The following MAGEF1 variants were observed in gnomAD, a reference collection of about 807,000 sequenced individuals.
MAGEF1 encodes the protein MAGE family member F1.
For missense variants in MAGEF1, 418 were observed against 399.5 expected (o/e 1.05, Z -0.39); for synonymous variants, 150 against 163.6 (o/e 0.92, Z 0.63).
rs1712198139 is a variant in MAGEF1, at chr3:184,710,980, G to A, written c.842C>T (p.Ala281Val). 1 of 1,614,142 alleles carries A rather than the reference G, an allele frequency of 6.2e-7. No individual in the cohort carries two copies. Residue 281 changes from alanine to valine, a missense_variant, in exon 1 of 1, where the codon GCC (alanine) becomes GTC (valine). Coordinates refer to ENST00000317897, the MANE Select transcript of MAGEF1 (RefSeq NM_022149.5). ...VQYREALADE[A>V]DRARAKARAE... Reference sequence around the variant, plus strand: ...TCTGGCCTTGGCTCTGGCCCTGTCGGCCTCGTCTGCTAGGGCCTCACGGTA... The same window carrying A: ...TCTGGCCTTGGCTCTGGCCCTGTCGACCTCGTCTGCTAGGGCCTCACGGTA...
In MAGEF1 at chr3:184,711,398, T is replaced by C; in HGVS notation, c.424A>G (p.Thr142Ala). 6.2e-7 allele frequency: 1 copy of C among 1,614,170 alleles called. No homozygotes were observed. Among genetic ancestry groups the C allele is most frequent in the East Asian group, 2.2e-5 (1 of 44,868 alleles). ...TTTAGTTTGTTGATCAGGATGTAAG[T>C]GTGGTGCTTGCGGTCAAACTGTTTC... ...ELKQFDRKHH[T>A]YILINKLKPL... Residue 142 changes from threonine to alanine, a missense_variant, in exon 1 of 1, where the codon ACT (threonine) becomes GCT (alanine). Thr to Ala is a moderately conservative substitution (Grantham distance 58). Transcript: ENST00000317897.
Position 184,710,500 on chromosome 3 carries a change from CA to C in MAGEF1, c.*397del, listed in dbSNP as rs1204177561. On this transcript the variant is annotated 3_prime_UTR_variant, in exon 1 of 1. Coordinates refer to ENST00000317897, the MANE Select transcript of MAGEF1 (RefSeq NM_022149.5). ...TCTTTCTTCTTTTATACACAACAGA[CA>C]AAAGTGTTGGGGGGCTAGACACCAA... The C allele has an allele frequency of 6.0e-6, 1 of 165,320 alleles. No homozygotes were observed. The allele number at this position is 165,320 out of a possible 1,614,324, so 10.2% of individuals were successfully genotyped here.
Position 184,711,337 on chromosome 3 carries a change from C to A in MAGEF1, c.485G>T (p.Gly162Val). 1 of 1,576,214 alleles carries A rather than the reference C, an allele frequency of 6.3e-7. No individual in the cohort carries two copies. The highest frequency in any genetic ancestry group is 1.1e-5 in the South Asian group (1 of 89,754). ...TAACAGACCCAATCTGGGGCCATCT[C>A]CTCCCAGATCCTCCTCCTCCTCCTC... ...LEEEEEEDLG[G>V]DGPRLGLLMM... Residue 162 changes from glycine to valine, a missense_variant, in exon 1 of 1, where the codon GGA becomes GTA. Gly to Val is a moderately radical substitution (Grantham distance 109, BLOSUM62 -3). Coordinates refer to ENST00000317897, the MANE Select transcript of MAGEF1 (RefSeq NM_022149.5).
Position 184,712,050 on chromosome 3 carries a change from C to T in MAGEF1, c.-229G>A, listed in dbSNP as rs1369233516. On this transcript the variant is annotated 5_prime_UTR_variant, in exon 1 of 1. Coordinates refer to ENST00000317897, the MANE Select transcript of MAGEF1 (RefSeq NM_022149.5). ...CGCGCAGCCTCAGTCCGCGCCCGCG[C>T]GAGGGGCCACTTCCGGCCACCTCAG... The T allele has an allele frequency of 7.3e-6, 5 of 683,788 alleles. No homozygotes were observed. Among genetic ancestry groups the T allele is most frequent in the Non-Finnish European group, 1.1e-5 (5 of 472,122 alleles). The allele number at this position is 683,788 out of a possible 1,614,324, so 42.4% of individuals were successfully genotyped here.
At position 184,711,873 on chromosome 3, in the gene MAGEF1, G is replaced by T; in HGVS notation, c.-52C>A. On this transcript the variant is annotated 5_prime_UTR_variant, in exon 1 of 1. Transcript: ENST00000317897. Reference sequence around the variant, plus strand: ...CGTACACGGGCCGAGGGGTGTGGGAGCCGCCGCGCAAGCCCCGGGGGAGGG... The same window carrying T: ...CGTACACGGGCCGAGGGGTGTGGGATCCGCCGCGCAAGCCCCGGGGGAGGG... The T allele has an allele frequency of 1.4e-6, 2 of 1,439,218 alleles. No individual in the cohort carries two copies. The highest frequency in any genetic ancestry group is 1.6e-5 in the South Asian group (1 of 62,988). 89.2% of individuals were successfully genotyped at this position (1,439,218 alleles called of 1,614,324 possible). A position where few individuals can be genotyped will look rare whatever the true frequency, so the allele number is the denominator to read the frequency against.
Position 184,710,692 on chromosome 3 carries a change from C to A in MAGEF1, c.*206G>T. 4 of 771,050 alleles carry A rather than the reference C, an allele frequency of 5.2e-6. No individual in the cohort carries two copies. Among genetic ancestry groups the A allele is most frequent in the Non-Finnish European group, 7.3e-6 (4 of 545,498 alleles). 47.8% of individuals were successfully genotyped at this position (771,050 alleles called of 1,614,324 possible). A position where few individuals can be genotyped will look rare whatever the true frequency, so the allele number is the denominator to read the frequency against. ...AACCAGCAAAACTCTACAATAAAAT[C>A]CTACAGGAAAAAGTAGACCAATCTC... On this transcript the variant is annotated 3_prime_UTR_variant, in exon 1 of 1. Transcript: ENST00000317897.
At position 184,711,323 on chromosome 3, in the gene MAGEF1, A is replaced by G. The variant is rs2108474201; in HGVS notation, c.499T>C (p.Leu167=). The part of the protein sequence containing the change: ...EEDLGGDGPR[L]GLLMMILGLI... Reference sequence around the variant, plus strand: ...CCCAGGATCATCATTAACAGACCCAATCTGGGGCCATCTCCTCCCAGATCC... The same window carrying G: ...CCCAGGATCATCATTAACAGACCCAGTCTGGGGCCATCTCCTCCCAGATCC... Residue 167 remains leucine (L), a synonymous_variant, in exon 1 of 1, where the codon TTG becomes CTG. Coordinates refer to ENST00000317897, the MANE Select transcript of MAGEF1 (RefSeq NM_022149.5). 3 of 1,610,616 alleles carry G rather than the reference A, an allele frequency of 1.9e-6. No individual in the cohort carries two copies. The highest frequency in any genetic ancestry group is 1.7e-4 in the Middle Eastern group (1 of 6,058).
Position 184,710,821 on chromosome 3 carries a change from GC to G in MAGEF1, c.*76del. ...CGATTTCTACAGAAATAAGACCCTC[GC>G]CCCACCCATATTACTTATGACTCAG... On this transcript the variant is annotated 3_prime_UTR_variant, in exon 1 of 1. Coordinates refer to ENST00000317897, the MANE Select transcript of MAGEF1 (RefSeq NM_022149.5). The G allele has an allele frequency of 6.9e-7, 1 of 1,442,432 alleles. No homozygotes were observed. The highest frequency in any genetic ancestry group is 9.1e-7 in the Non-Finnish European group (1 of 1,094,876). The allele number at this position is 1,442,432 out of a possible 1,614,324, so 89.4% of individuals were successfully genotyped here.
chr3:184,711,105 G>T lies in MAGEF1; in HGVS notation c.717C>A (p.Phe239Leu), dbSNP rs1223192178. ...CCAGGTTGCTTCGGGGACCCCAAGA[G>T]AATTCATATTCTGGTGGATTGGTGT... is the stretch of plus-strand genomic sequence containing the variant. ...VPHTNPPEYE[F>L]SWGPRSNLEI... Residue 239 changes from phenylalanine (F) to leucine (L), a missense_variant, in exon 1 of 1, where the codon TTC (phenylalanine) becomes TTA (leucine). Coordinates refer to ENST00000317897, the MANE Select transcript of MAGEF1 (RefSeq NM_022149.5). 6.2e-7 allele frequency: 1 copy of T among 1,614,156 alleles called. No individual in the cohort carries two copies.
Position 184,710,698 on chromosome 3 carries a change from G to T in MAGEF1, c.*200C>A. 1.2e-6 allele frequency: 1 copy of T among 837,790 alleles called. No individual in the cohort carries two copies. Among genetic ancestry groups the T allele is most frequent in the Non-Finnish European group, 1.7e-6 (1 of 602,474 alleles). 51.9% of individuals were successfully genotyped at this position (837,790 alleles called of 1,614,324 possible). On this transcript the variant is annotated 3_prime_UTR_variant, in exon 1 of 1. Coordinates refer to ENST00000317897, the MANE Select transcript of MAGEF1 (RefSeq NM_022149.5). ...CAAAACTCTACAATAAAATCCTACA[G>T]GAAAAAGTAGACCAATCTCATTTAC...
chr3:184,711,565 A>G lies in MAGEF1; in HGVS notation c.257T>C (p.Phe86Ser). 1 of 1,613,998 alleles carries G rather than the reference A, an allele frequency of 6.2e-7. No homozygotes were observed. The highest frequency in any genetic ancestry group is 8.5e-7 in the Non-Finnish European group (1 of 1,180,028). Residue 86 changes from phenylalanine to serine, a missense_variant, in exon 1 of 1, where the codon TTC (phenylalanine) becomes TCC (serine). By Grantham distance (155) the Phe-to-Ser change is radical (BLOSUM62 -2). Transcript: ENST00000317897. Reference sequence around the variant, plus strand: ...CTTCTTCTTGTCTTTCACCAGGAGGAACTGCACCAACTCCGCCACCGTCCG... The same window carrying G: ...CTTCTTCTTGTCTTTCACCAGGAGGGACTGCACCAACTCCGCCACCGTCCG... ...LNRTVAELVQ[F>S]LLVKDKKKSP... is the part of the protein sequence containing the mutation.
rs1577591011 is a variant in MAGEF1, at chr3:184,710,768, A to G, written c.*130T>C. On this transcript the variant is annotated 3_prime_UTR_variant, in exon 1 of 1. Coordinates refer to ENST00000317897, the MANE Select transcript of MAGEF1 (RefSeq NM_022149.5). ...ATTATTAAATGTTACAAAACATAAG[A>G]TACAAAATCTAAATCCTTAAAGTCA... is the stretch of plus-strand genomic sequence containing the variant. 3 of 1,320,720 alleles carry G rather than the reference A, an allele frequency of 2.3e-6. 1 individual carries two copies. Among genetic ancestry groups the G allele is most frequent in the South Asian group, 4.4e-5 (2 of 45,202 alleles). 81.8% of individuals were successfully genotyped at this position (1,320,720 alleles called of 1,614,324 possible).
In MAGEF1 at chr3:184,710,973, C is replaced by T. The variant is rs984088056; in HGVS notation, c.849G>A (p.Arg283=). 6.2e-7 allele frequency: 1 copy of T among 1,614,164 alleles called. No individual in the cohort carries two copies. Among genetic ancestry groups the T allele is most frequent in the Non-Finnish European group, 8.5e-7 (1 of 1,179,982 alleles). Residue 283 remains arginine, a synonymous_variant, in exon 1 of 1, where the codon AGG becomes AGA. Transcript: ENST00000317897. ...CTTCAGCTCTGGCCTTGGCTCTGGC[C>T]CTGTCGGCCTCGTCTGCTAGGGCCT... ...YREALADEAD[R]ARAKARAEAS...
Position 184,711,055 on chromosome 3 carries a change from C to G in MAGEF1, c.767G>C (p.Gly256Ala). The stretch of plus-strand genomic sequence containing the variant: ...CTTCTTATGCAGTTTGGCCACGAAC[C>G]CCAGGACTTCCATCTTGCTGATTTC... ...NLEISKMEVL[G>A]FVAKLHKKEP... Residue 256 changes from glycine to alanine, a missense_variant, in exon 1 of 1, where the codon GGG becomes GCG. Transcript: ENST00000317897. 6.2e-7 allele frequency: 1 copy of G among 1,614,222 alleles called. No individual in the cohort carries two copies. The highest frequency in any genetic ancestry group is 1.6e-4 in the Middle Eastern group (1 of 6,062).
In MAGEF1 at chr3:184,712,057, C is replaced by T; in HGVS notation, c.-236G>A. 3.4e-6 allele frequency: 2 copies of T among 588,330 alleles called. No individual in the cohort carries two copies. Among genetic ancestry groups the T allele is most frequent in the Admixed American group, 4.1e-5 (1 of 24,322 alleles). 36.4% of individuals were successfully genotyped at this position (588,330 alleles called of 1,614,324 possible). On this transcript the variant is annotated 5_prime_UTR_variant, in exon 1 of 1. Coordinates refer to ENST00000317897, the MANE Select transcript of MAGEF1 (RefSeq NM_022149.5). ...CCTCAGTCCGCGCCCGCGCGAGGGGCCACTTCCGGCCACCTCAGCCAGGAC... is the reference window on the plus strand; with the variant it reads ...CCTCAGTCCGCGCCCGCGCGAGGGGTCACTTCCGGCCACCTCAGCCAGGAC...
At position 184,711,871 on chromosome 3, in the gene MAGEF1, G is replaced by C. The variant is rs903026503; in HGVS notation, c.-50C>G. 1.4e-6 allele frequency: 2 copies of C among 1,440,130 alleles called. No homozygotes were observed. The highest frequency in any genetic ancestry group is 1.8e-6 in the Non-Finnish European group (2 of 1,096,278). The allele number at this position is 1,440,130 out of a possible 1,614,324, so 89.2% of individuals were successfully genotyped here. A position where few individuals can be genotyped will look rare whatever the true frequency, so the allele number is the denominator to read the frequency against. ...CGCGTACACGGGCCGAGGGGTGTGGGAGCCGCCGCGCAAGCCCCGGGGGAG... is the reference window on the plus strand; with the variant it reads ...CGCGTACACGGGCCGAGGGGTGTGGCAGCCGCCGCGCAAGCCCCGGGGGAG... On this transcript the variant is annotated 5_prime_UTR_variant, in exon 1 of 1. Coordinates refer to ENST00000317897, the MANE Select transcript of MAGEF1 (RefSeq NM_022149.5).
chr3:184,711,992 G>T lies in MAGEF1; in HGVS notation c.-171C>A. On this transcript the variant is annotated 5_prime_UTR_variant, in exon 1 of 1. Coordinates refer to ENST00000317897, the MANE Select transcript of MAGEF1 (RefSeq NM_022149.5). ...CGCACCGCACGGGAGTCAAACCTGC[G>T]GCCGCAACGCCGCCAGCAGCCGGAA... The T allele has an allele frequency of 8.6e-7, 1 of 1,164,722 alleles. No individual in the cohort carries two copies. Among genetic ancestry groups the T allele is most frequent in the African/African-American group, 1.6e-5 (1 of 62,308 alleles). The allele number at this position is 1,164,722 out of a possible 1,614,324, so 72.1% of individuals were successfully genotyped here. A position where few individuals can be genotyped will look rare whatever the true frequency, so the allele number is the denominator to read the frequency against.
rs1712230145 is a variant in MAGEF1 at position 184,711,638 on chromosome 3, A to T, written c.184T>A (p.Leu62Met). The T allele has an allele frequency of 6.2e-7, 1 of 1,608,088 alleles. No individual in the cohort carries two copies. Among genetic ancestry groups the T allele is most frequent in the East Asian group, 2.2e-5 (1 of 44,824 alleles). Residue 62 changes from leucine to methionine, a missense_variant, in exon 1 of 1, where the codon TTG becomes ATG. Leu to Met is a conservative substitution (Grantham distance 15). Transcript: ENST00000317897. ...CGCCTTGCCAAGGCTTTGGCCGCCA[A>T]GGCCCTCGCGCCTTTCCGGGTGAGG... The part of the protein sequence containing the change: ...PALTRKGARA[L>M]AAKALARRRA...
Position 184,710,656 on chromosome 3 carries a change from C to T in MAGEF1, c.*242G>A. 1 of 496,342 alleles carries T rather than the reference C, an allele frequency of 2.0e-6. No individual in the cohort carries two copies. The highest frequency in any genetic ancestry group is 3.2e-6 in the Non-Finnish European group (1 of 308,826). 30.7% of individuals were successfully genotyped at this position (496,342 alleles called of 1,614,324 possible). On this transcript the variant is annotated 3_prime_UTR_variant, in exon 1 of 1. Coordinates refer to ENST00000317897, the MANE Select transcript of MAGEF1 (RefSeq NM_022149.5). The stretch of plus-strand genomic sequence containing the variant: ...CAGTATAAATACAAAGTTCTTCCAT[C>T]CATTTTACAAAACCAGCAAAACTCT...
Sources: gnomAD v4.1 joint callset for allele counts on GRCh38, gnomAD v4.1.1 for gene constraint, MANE v1.5 for transcripts, NCBI Gene and HGNC (gene_info 2026-07-23, HGNC 2026-07-21) for gene names.